The following ADAM32 variants were observed in gnomAD, a reference collection of about 807,000 sequenced individuals.
The protein encoded by ADAM32 is ADAM metallopeptidase domain 32, also known as disintegrin and metalloproteinase domain-containing protein 32.
A neutral mutation model predicts 114.9 loss-of-function variants in ADAM32; 89 were observed. That is an observed-to-expected ratio of 0.77 (90% CI 0.65 to 0.92). The LOEUF is 0.92. ADAM32 is among the 40% of genes least tolerant of loss of function. The probability of loss-of-function intolerance (pLI) is 0.00; values close to 1 mark genes in which losing one functional copy is unlikely to be tolerated. For missense variants in ADAM32, 870 were observed against 932.8 expected (o/e 0.93, Z 0.88); for synonymous variants, 285 against 307.5 (o/e 0.93, Z 0.77).
intron 17 of ADAM32, among the ~76,000 whole-genome samples, chr8:39,247,843 A>G (rs1811028021): frequency 6.7e-6 from 1 of 149,078 alleles, no homozygotes; most frequent in African/African-American, 2.5e-5. Context: ...ATTTAGGCCT[A>G]TGACCCATTC....
intron 3 of ADAM32, among the ~76,000 whole-genome samples, chr8:39,143,137 G>T (rs969433633): frequency 6.6e-6 from 1 of 152,070 alleles, no homozygotes; most frequent in African/African-American, 2.4e-5. Flanking sequence ...TGGCTTCCTT[G>T]TGATGGGTTA....
At chr8:39,265,331 T>A (rs1208069895) in intron 19 of ADAM32, among the ~76,000 whole-genome samples, 1 of 152,242 alleles carries the variant, frequency 6.6e-6, no homozygotes. Context: ...TGCTCTTTTT[T>A]ATACTTTGTT....
chr8:39,218,976 G>A (rs1301569766), intron 12 of ADAM32, among the ~76,000 whole-genome samples: 1 of 152,058 alleles, frequency 6.6e-6, no homozygotes, highest in East Asian at 1.9e-4. Context: ...TAGTGAGTAG[G>A]TGATTGATCC....
At position 39,257,356 on chromosome 8, in the gene ADAM32, T is replaced by C; in HGVS notation, c.2162+13T>C. 1 of 1,612,716 alleles carries C rather than the reference T, an allele frequency of 6.2e-7. No homozygotes were observed. The highest frequency in any genetic ancestry group is 8.5e-7 in the Non-Finnish European group (1 of 1,179,172). ...TCCCAAGTAGCGAGTAAATTGCATT[T>C]GTGTTCTGAAGTTAAACATTAGTAC... On this transcript the variant is annotated intron_variant, in intron 19 of 24. Coordinates refer to ENST00000379907, the MANE Select transcript of ADAM32 (RefSeq NM_145004.7).
At chr8:39,160,996 A>T in intron 7 of ADAM32, 31 bp downstream of exon 7, 1 of 1,515,664 alleles carries the variant, frequency 6.6e-7, no homozygotes, top group Non-Finnish European at 8.9e-7. Flanking sequence ...TTGCTTTGAA[A>T]TATTTGATCC....
intron 14 of ADAM32, among the ~76,000 whole-genome samples, chr8:39,228,315 T>A (rs1340238828): frequency 6.6e-6 from 1 of 152,106 alleles, no homozygotes; most frequent in Non-Finnish European, 1.5e-5. Context: ...GAGCAATGGA[T>A]TAAAACCAAG....
chr8:39,284,697 T>C, intron 24 of ADAM32, 96 bp from the exon 25 acceptor site: 1 of 1,377,698 alleles, frequency 7.3e-7, no homozygotes, highest in Non-Finnish European at 1.0e-6. Context: ...TCGTGCCACA[T>C]GAATTTTCCA....
chr8:39,211,452 G>A (rs559187763), intron 12 of ADAM32, 128 bp downstream of exon 12: 62 of 920,038 alleles, frequency 6.7e-5, no homozygotes, highest in South Asian at 2.6e-4. Context: ...AAGTTGGGTC[G>A]AAATACATAC....
intron 10 of ADAM32, among the ~76,000 whole-genome samples, chr8:39,186,178 A>G (rs1357739698): frequency 6.6e-6 from 1 of 152,208 alleles, no homozygotes; most frequent in Non-Finnish European, 1.5e-5. Flanking sequence ...GGCTGTTATA[A>G]GAAATTAATT....
intron 17 of ADAM32, among the ~76,000 whole-genome samples, chr8:39,246,643 A>G (rs1367570841): frequency 2.0e-5 from 3 of 152,232 alleles, no homozygotes; most frequent in Admixed American, 6.5e-5. Flanking sequence ...ATCTTTCCCA[A>G]TTTTAACATC....
chr8:39,246,813 A>G (rs1298796135), intron 17 of ADAM32, among the ~76,000 whole-genome samples: 1 of 152,186 alleles, frequency 6.6e-6, no homozygotes, highest in Admixed American at 6.5e-5. Context: ...ATATACAGAG[A>G]GTATTTTCAT....
chr8:39,190,485 G>A (rs1263102238), intron 11 of ADAM32, among the ~76,000 whole-genome samples: 1 of 152,120 alleles, frequency 6.6e-6, no homozygotes, highest in African/African-American at 2.4e-5. Flanking sequence ...TTCCTATCAT[G>A]GCTGTATGAA....
chr8:39,228,076 G>A (rs1347323465), intron 14 of ADAM32, among the ~76,000 whole-genome samples: 1 of 152,190 alleles, frequency 6.6e-6, no homozygotes, highest in African/African-American at 2.4e-5. Flanking sequence ...CCAGAAGAGA[G>A]ACAACAATCA....
intron 6 of ADAM32, among the ~76,000 whole-genome samples, chr8:39,152,720 CAAAAAAAAAAAAAAAAAAA>C (rs112877602): frequency 7.9e-4 from 108 of 136,784 alleles, no homozygotes; most frequent in Middle Eastern, 3.6e-3. Flanking sequence ...GACTCCATCT[CAAAAAAAAAAAAAAAAAAA>C]AAAAAAAAAA....
At chr8:39,260,360 T>A (rs1811948455) in intron 19 of ADAM32, among the ~76,000 whole-genome samples, 1 of 152,204 alleles carries the variant, frequency 6.6e-6, no homozygotes, top group South Asian at 2.1e-4. Context: ...TAGTACTATG[T>A]TGAATAGAAA....
chr8:39,212,883 T>A (rs1373745805), intron 12 of ADAM32, among the ~76,000 whole-genome samples: 3 of 152,198 alleles, frequency 2.0e-5, no homozygotes, highest in Non-Finnish European at 4.4e-5. Context: ...AACTTTGAGT[T>A]CCTTCATATC....
At chr8:39,222,022 A>G (rs1205653043) in intron 13 of ADAM32, among the ~76,000 whole-genome samples, 2 of 151,970 alleles carry the variant, frequency 1.3e-5, no homozygotes, top group African/African-American at 2.4e-5. Flanking sequence ...GTAAATAAAA[A>G]CGTTTTTATG....
intron 9 of ADAM32, chr8:39,168,211 G>A (rs115827455): frequency 1.3e-5 from 2 of 152,184 alleles, no homozygotes; most frequent in African/African-American, 2.4e-5. Context: ...TGCAAGAAGG[G>A]GTCAGGGGGC....
intron 23 of ADAM32, among the ~76,000 whole-genome samples, chr8:39,281,899 A>G (rs1038794663): frequency 5.3e-5 from 8 of 152,334 alleles, no homozygotes; most frequent in East Asian, 3.9e-4. Context: ...ATACACACAG[A>G]TTAAATTTTC....
Sources: gnomAD v4.1 joint callset for allele counts (sites outside exome capture counted in the v4.1 genomes callset) on GRCh38, gnomAD v4.1.1 for gene constraint, MANE v1.5 for transcripts, NCBI Gene and HGNC (gene_info 2026-07-23, HGNC 2026-07-21) for gene names.